PGBD5: variants seen among roughly 807,000 people sequenced by gnomAD.
The protein encoded by PGBD5 is piggyBac transposable element-derived protein 5.
A neutral mutation model predicts 47.9 loss-of-function variants in PGBD5; 14 were observed. That is an observed-to-expected ratio of 0.29 (90% confidence interval 0.19 to 0.46). PGBD5 has a LOEUF of 0.46. Among genes scored for constraint, PGBD5 ranks in the 20% least tolerant of loss-of-function variants. The pLI is 1.00. For missense variants in PGBD5, 635 were observed against 716.0 expected (o/e 0.89, Z 1.29); for synonymous variants, 316 against 306.3 (o/e 1.03, Z -0.33).
At chr1:230,328,378 C>A (rs1286517132) in intron 5 of PGBD5, among the ~76,000 whole-genome samples, 2 of 152,138 alleles carry the variant, frequency 1.3e-5, no homozygotes, top group Non-Finnish European at 2.9e-5. Context: ...GTTTATAAAC[C>A]AGATCACCCT....
At chr1:230,333,091 C>G (rs773646009) in intron 4 of PGBD5, 50 bp from the exon 5 acceptor site, 1 of 1,538,860 alleles carries the variant, frequency 6.5e-7, no homozygotes, top group Middle Eastern at 2.2e-4. Context: ...TCGGAGATGC[C>G]GGCGGCTCCT....
chr1:230,323,130 GC>G lies in PGBD5; in HGVS notation c.*294del. 1 of 380,992 alleles carries G rather than the reference GC, an allele frequency of 2.6e-6. No individual in the cohort carries two copies. The allele number at this position is 380,992 out of a possible 1,614,324, so 23.6% of individuals were successfully genotyped here. On this transcript the variant is annotated 3_prime_UTR_variant, in exon 7 of 7. Coordinates refer to ENST00000391860, the MANE Select transcript of PGBD5 (RefSeq NM_001258311.2). The surrounding 1 kb of genome is among the most constrained non-coding windows in gnomAD (Gnocchi z 4.1). ...TCCTTCACAGTCACCAGTCCACGCT[GC>G]CTCGCAAGCTCCACGGATGTCATGA... is the stretch of plus-strand genomic sequence containing the variant.
At chr1:230,358,063 G>A (rs1417703221) in intron 1 of PGBD5, among the ~76,000 whole-genome samples, 1 of 151,784 alleles carries the variant, frequency 6.6e-6, no homozygotes, top group South Asian at 2.1e-4. Context: ...ATACATCGAT[G>A]TATAAATGTT....
At chr1:230,423,037 CA>C (rs1657694025) in intron 1 of PGBD5, among the ~76,000 whole-genome samples, 1 of 151,244 alleles carries the variant, frequency 6.6e-6, no homozygotes, top group East Asian at 1.9e-4. Context: ...AAAAAAAAAC[CA>C]AAAACCTAGC....
intron 1 of PGBD5, among the ~76,000 whole-genome samples, chr1:230,403,598 C>T (rs1488901115): frequency 2.0e-5 from 3 of 152,234 alleles, no homozygotes; most frequent in African/African-American, 4.8e-5. Context: ...AAAACCAGCC[C>T]CATCCTGAGT....
At chr1:230,366,855 G>A (rs1667842726) in intron 1 of PGBD5, among the ~76,000 whole-genome samples, 1 of 152,112 alleles carries the variant, frequency 6.6e-6, no homozygotes, top group Non-Finnish European at 1.5e-5. Flanking sequence ...CGTACAGATG[G>A]CTGTTACGAA....
intron 1 of PGBD5, among the ~76,000 whole-genome samples, chr1:230,423,469 C>G (rs1195011609): frequency 2.0e-5 from 3 of 152,216 alleles, no homozygotes; most frequent in African/African-American, 7.2e-5. Context: ...CCCCAAGTGG[C>G]CAGGATGCAG....
At chr1:230,407,914 G>T (rs1418178043) in intron 1 of PGBD5, among the ~76,000 whole-genome samples, 1 of 152,216 alleles carries the variant, frequency 6.6e-6, no homozygotes, top group Non-Finnish European at 1.5e-5. Flanking sequence ...TCATGGGTTT[G>T]TGTCCATGAA....
intron 1 of PGBD5, among the ~76,000 whole-genome samples, chr1:230,379,306 C>T (rs924387241): frequency 1.3e-5 from 2 of 152,168 alleles, no homozygotes; most frequent in Non-Finnish European, 2.9e-5. Flanking sequence ...TCCACTTCCA[C>T]ATCCCATCCA....
rs1667065723 is a variant in PGBD5, at chr1:230,323,327, C to T, written c.*98G>A. Reference sequence around the variant, plus strand: ...TGCATCCCTCCCAGGCAGCAAGCCACACACCAGGCCGTGTCCGGGTCTCTG... The same window carrying T: ...TGCATCCCTCCCAGGCAGCAAGCCATACACCAGGCCGTGTCCGGGTCTCTG... On this transcript the variant is annotated 3_prime_UTR_variant, in exon 7 of 7. Transcript: ENST00000391860. This position sits in a 1 kb window ranked among gnomAD's most constrained non-coding sequence, Gnocchi z 4.1. The T allele has an allele frequency of 1.4e-6, 2 of 1,420,542 alleles. No homozygotes were observed. The highest frequency in any genetic ancestry group is 1.4e-5 in the African/African-American group (1 of 70,298). The allele number at this position is 1,420,542 out of a possible 1,614,324, so 88.0% of individuals were successfully genotyped here. A position where few individuals can be genotyped will look rare whatever the true frequency, so the allele number is the denominator to read the frequency against.
chr1:230,340,522 ATT>A (rs1435967244), intron 3 of PGBD5, among the ~76,000 whole-genome samples: 1 of 152,180 alleles, frequency 6.6e-6, no homozygotes, highest in East Asian at 1.9e-4. Flanking sequence ...TATAAAAAGT[ATT>A]TATCAGAATG....
intron 3 of PGBD5, among the ~76,000 whole-genome samples, chr1:230,343,936 T>C (rs1667442128): frequency 1.3e-5 from 2 of 152,196 alleles, no homozygotes; most frequent in African/African-American, 4.8e-5. Context: ...TGGCTTTTTG[T>C]CTAAATCGGG....
At chr1:230,370,071 G>A (rs769759998) in intron 1 of PGBD5, among the ~76,000 whole-genome samples, 11 of 152,244 alleles carry the variant, frequency 7.2e-5, no homozygotes, top group Non-Finnish European at 1.5e-4. Context: ...ACAGAGACGG[G>A]AGCCTCTGCA....
chr1:230,353,871 G>C (rs1031447420), intron 2 of PGBD5, among the ~76,000 whole-genome samples: 4 of 152,234 alleles, frequency 2.6e-5, no homozygotes, highest in Non-Finnish European at 5.9e-5. Context: ...AGAGCCTCCA[G>C]CTTCTCCAAT....
intron 1 of PGBD5, among the ~76,000 whole-genome samples, chr1:230,364,816 T>G (rs1246196554): frequency 6.7e-6 from 1 of 149,338 alleles, no homozygotes; most frequent in African/African-American, 2.5e-5. Flanking sequence ...AGGTCAGGAG[T>G]TCGAGACCAG....
rs1391347020 is a variant in PGBD5, at chr1:230,355,068, A to T, written c.759+1826T>A. On this transcript the variant is annotated intron_variant, in intron 2 of 6. Coordinates refer to ENST00000391860, the MANE Select transcript of PGBD5 (RefSeq NM_001258311.2). ...CAAGCCTCATCACCTGGAAGCAAAT[A>T]CAAGTGAGCCGCAGAATAACACGAT... Among the ~76,000 whole-genome samples the T allele has an allele frequency of 8.5e-5, 13 of 152,162 alleles. 1 individual carries two copies. The highest frequency in any genetic ancestry group is 1.8e-4 in the Non-Finnish European group (12 of 68,040).
intron 2 of PGBD5, 112 bp downstream of exon 2, chr1:230,356,782 C>A: frequency 8.6e-7 from 1 of 1,160,028 alleles, no homozygotes; most frequent in Middle Eastern, 2.9e-4. Flanking sequence ...TTGAAGTGAA[C>A]TCAGAGGGCA....
chr1:230,389,769 G>C (rs1403269912), intron 1 of PGBD5, among the ~76,000 whole-genome samples: 1 of 152,172 alleles, frequency 6.6e-6, no homozygotes, highest in African/African-American at 2.4e-5. Context: ...AATAGAGAAA[G>C]TTTAGCCTTA....
At chr1:230,335,738 T>TGC (rs1558192680) in intron 4 of PGBD5, among the ~76,000 whole-genome samples, 11 of 412 alleles carry the variant, frequency 0.027, no homozygotes, top group African/African-American at 0.043. Flanking sequence ...CACACAGACT[T>TGC]ACACAAAGAC....
Sources: gnomAD v4.1 joint callset for allele counts (sites outside exome capture counted in the v4.1 genomes callset) on GRCh38, gnomAD v4.1.1 for gene constraint, Gnocchi (gnomAD v3.1) non-coding constraint, MANE v1.5 for transcripts, NCBI Gene and HGNC (gene_info 2026-07-23, HGNC 2026-07-21) for gene names.